Variants in ABHD10 observed in about 807,000 individuals in gnomAD.
ABHD10 encodes palmitoyl-protein thioesterase ABHD10, mitochondrial.
A neutral mutation model predicts 33.1 loss-of-function variants in ABHD10; 22 were observed. That is an observed-to-expected ratio of 0.66 (90% CI 0.47 to 0.95). The LOEUF is 0.95. Among genes scored for constraint, ABHD10 ranks in the 40% least tolerant of loss-of-function variants. ABHD10 has a pLI of 0.00. For synonymous variants in ABHD10, 146 were observed against 133.9 expected, an observed-to-expected ratio of 1.09 and a Z score of -0.62; for missense variants, 352 against 379.9, an observed-to-expected ratio of 0.93 and a Z score of 0.61.
chr3:111,986,245 T>C lies in ABHD10; in HGVS notation c.327-19T>C. The stretch of plus-strand genomic sequence containing the variant: ...GATATATAGATATTTAGATATAGAT[T>C]TTTTTCCCCTTTTTCCAGGTTTGAT... On this transcript the variant is annotated intron_variant, in intron 2 of 4. Coordinates refer to ENST00000273359, the MANE Select transcript of ABHD10 (RefSeq NM_018394.4). 6.9e-7 allele frequency: 1 copy of C among 1,456,002 alleles called. No homozygotes were observed. Among genetic ancestry groups the C allele is most frequent in the African/African-American group, 1.4e-5 (1 of 71,042 alleles). 90.2% of individuals were successfully genotyped at this position (1,456,002 alleles called of 1,614,324 possible). A position where few individuals can be genotyped will look rare whatever the true frequency, so the allele number is the denominator to read the frequency against.
In ABHD10 at chr3:111,986,350, T is replaced by C. The variant is rs1465179444; in HGVS notation, c.413T>C (p.Ile138Thr). The C allele has an allele frequency of 1.8e-5, 29 of 1,613,668 alleles. No individual in the cohort carries two copies. Among genetic ancestry groups the C allele is most frequent in the Non-Finnish European group, 2.4e-5 (28 of 1,179,706 alleles). Reference protein sequence around the residue: ...GKWRKDVLSIIDDLADGPQIL... With the variant: ...GKWRKDVLSITDDLADGPQIL... Reference sequence around the variant, plus strand: ...TGGAGAAAAGATGTTCTTTCTATAATTGATGACTTAGCTGATGGGCCACAG... The same window carrying C: ...TGGAGAAAAGATGTTCTTTCTATAACTGATGACTTAGCTGATGGGCCACAG... Residue 138 changes from isoleucine to threonine, a missense_variant, in exon 3 of 5, where the codon ATT becomes ACT. Physicochemically the swap from Ile to Thr is moderately conservative, Grantham distance 89. Coordinates refer to ENST00000273359, the MANE Select transcript of ABHD10 (RefSeq NM_018394.4).
At position 111,991,854 on chromosome 3, in the gene ABHD10, GA is replaced by G. The variant is rs2072744073; in HGVS notation, c.*134del. On this transcript the variant is annotated 3_prime_UTR_variant, in exon 5 of 5. Coordinates refer to ENST00000273359, the MANE Select transcript of ABHD10 (RefSeq NM_018394.4). ...AAATATAAGATGAGTATTATTTAATGATGTATTTGCATAAGTAATGCAAATT... is the reference window on the plus strand; with the variant it reads ...AAATATAAGATGAGTATTATTTAATGTGTATTTGCATAAGTAATGCAAATT... The G allele has an allele frequency of 2.1e-5, 14 of 678,428 alleles. No homozygotes were observed. Among genetic ancestry groups the G allele is most frequent in the Non-Finnish European group, 3.2e-5 (14 of 437,460 alleles). 42.0% of individuals were successfully genotyped at this position (678,428 alleles called of 1,614,324 possible).
intron 4 of ABHD10, among the ~76,000 whole-genome samples, chr3:111,989,615 G>A (rs2072716928): frequency 6.6e-6 from 1 of 152,174 alleles, no homozygotes; most frequent in Non-Finnish European, 1.5e-5. Flanking sequence ...ATCTGCTGAA[G>A]TATTTACAAA....
chr3:111,989,805 G>GT (rs138445944), intron 4 of ABHD10, among the ~76,000 whole-genome samples: 31,176 of 148,308 alleles, frequency 0.21, 3,284 homozygotes, highest in Middle Eastern at 0.3. Flanking sequence ...TAGAAGTACA[G>GT]TTTTTTTTTT....
At chr3:111,987,134 G>T (rs1577250887) in intron 4 of ABHD10, 83 bp downstream of exon 4, 1 of 1,499,150 alleles carries the variant, frequency 6.7e-7, no homozygotes. Flanking sequence ...GGGAAGGGGG[G>T]ACAGAAAACA....
rs75549107 is a variant in ABHD10, at chr3:111,987,528, A to C, written c.576+477A>C. On this transcript the variant is annotated intron_variant, in intron 4 of 4. Transcript: ENST00000273359. ...TTCCAAGACCTCCCATGGATACCAA[A>C]ATCCACAGATGGTCAAGTCTCTGAG... Among the ~76,000 whole-genome samples, 178 of 152,292 alleles carry C rather than the reference A, an allele frequency of 1.2e-3. 1 individual carries two copies. In the East Asian group the frequency reaches 0.033, roughly 28 times the overall value.
At chr3:111,989,283 C>T (rs1375497905) in intron 4 of ABHD10, among the ~76,000 whole-genome samples, 2 of 152,182 alleles carry the variant, frequency 1.3e-5, no homozygotes, top group Non-Finnish European at 2.9e-5. Flanking sequence ...GGGCCTCAGA[C>T]ATGATGCACA....
chr3:111,991,725 C>A lies in ABHD10; in HGVS notation c.*4C>A. Reference sequence around the variant, plus strand: ...GCTCTCAACTATAGTTAACTAGTATCACATGTTTAGTTGGTATGTAAACTA... The same window carrying A: ...GCTCTCAACTATAGTTAACTAGTATAACATGTTTAGTTGGTATGTAAACTA... On this transcript the variant is annotated 3_prime_UTR_variant, in exon 5 of 5. Transcript: ENST00000273359. 1 of 1,595,940 alleles carries A rather than the reference C, an allele frequency of 6.3e-7. No homozygotes were observed. The highest frequency in any genetic ancestry group is 1.1e-5 in the South Asian group (1 of 89,984).
intron 4 of ABHD10, among the ~76,000 whole-genome samples, chr3:111,991,174 TC>T (rs1559938369): frequency 6.6e-6 from 1 of 152,180 alleles, no homozygotes; most frequent in Non-Finnish European, 1.5e-5. Context: ...AGAATTATTA[TC>T]AGAATCTTAT....
chr3:111,982,867 AT>A (rs1319458953), intron 2 of ABHD10, among the ~76,000 whole-genome samples: 2 of 152,202 alleles, frequency 1.3e-5, no homozygotes, highest in Non-Finnish European at 2.9e-5. Context: ...ATTAGCAGCA[AT>A]TATGTCAATT....
chr3:111,991,933 G>T lies in ABHD10; in HGVS notation c.*212G>T. 1 of 437,504 alleles carries T rather than the reference G, an allele frequency of 2.3e-6. No homozygotes were observed. The highest frequency in any genetic ancestry group is 4.0e-6 in the Non-Finnish European group (1 of 252,478). The allele number at this position is 437,504 out of a possible 1,614,324, so 27.1% of individuals were successfully genotyped here. A position where few individuals can be genotyped will look rare whatever the true frequency, so the allele number is the denominator to read the frequency against. ...AAATTTTCTCCTTCCTTCTGTCCTT[G>T]ATTTTTTTTCATTAAAGTATTTCCT... On this transcript the variant is annotated 3_prime_UTR_variant, in exon 5 of 5. Coordinates refer to ENST00000273359, the MANE Select transcript of ABHD10 (RefSeq NM_018394.4).
chr3:111,985,880 T>C (rs1156636270), intron 2 of ABHD10, among the ~76,000 whole-genome samples: 1 of 152,162 alleles, frequency 6.6e-6, no homozygotes, highest in Non-Finnish European at 1.5e-5. Context: ...CAAAGTATGG[T>C]AAGGGCTCTG....
intron 4 of ABHD10, chr3:111,990,794 ATTC>A (rs1379925510): frequency 3.9e-5 from 42 of 1,089,896 alleles, no homozygotes; most frequent in Non-Finnish European, 5.2e-5. Flanking sequence ...TTATTTTTTT[ATTC>A]TTAGTTCTGT....
intron 1 of ABHD10, among the ~76,000 whole-genome samples, chr3:111,980,436 C>T (rs1370906919): frequency 6.6e-6 from 1 of 152,132 alleles, no homozygotes; most frequent in African/African-American, 2.4e-5. Context: ...CATGGATTCT[C>T]TTCTCAAGAC....
Position 111,991,816 on chromosome 3 carries a change from T to C in ABHD10, c.*95T>C. ...TCCTGATACTTTAGGTTTTTCCCTT[T>C]CCTCTATTTTGTAAATATAAGATGA... On this transcript the variant is annotated 3_prime_UTR_variant, in exon 5 of 5. Transcript: ENST00000273359. The C allele has an allele frequency of 1.0e-6, 1 of 976,208 alleles. No individual in the cohort carries two copies. The highest frequency in any genetic ancestry group is 1.7e-5 in the African/African-American group (1 of 59,474). The allele number at this position is 976,208 out of a possible 1,614,324, so 60.5% of individuals were successfully genotyped here.
Position 111,981,817 on chromosome 3 carries a change from A to G in ABHD10, c.176A>G (p.Asn59Ser). The stretch of plus-strand genomic sequence containing the variant: ...CAAAAGACGTCACTCTCATTCCTTA[A>G]TCGACCAGACCTTCCAAACCTGGCT... ...CRQKTSLSFLNRPDLPNLAYK... is the reference protein window; with the variant it reads ...CRQKTSLSFLSRPDLPNLAYK... Residue 59 changes from asparagine to serine, a missense_variant, in exon 2 of 5, where the codon AAT becomes AGT. Physicochemically the swap from Asn to Ser is conservative, Grantham distance 46. Transcript: ENST00000273359. 5.7e-6 allele frequency: 9 copies of G among 1,588,792 alleles called. No individual in the cohort carries two copies. Among genetic ancestry groups the G allele is most frequent in the Non-Finnish European group, 7.7e-6 (9 of 1,161,764 alleles).
Position 111,986,357 on chromosome 3 carries a change from C to T in ABHD10, c.420C>T (p.Asp140=). The change falls in exon 3 of 5, where the codon GAC becomes GAT. Residue 140 remains aspartate (D), a synonymous_variant. Transcript: ENST00000273359. The part of the protein sequence containing the change: ...WRKDVLSIID[D]LADGPQILVG... Reference sequence around the variant, plus strand: ...AAGATGTTCTTTCTATAATTGATGACTTAGCTGATGGGCCACAGGTGACTG... The same window carrying T: ...AAGATGTTCTTTCTATAATTGATGATTTAGCTGATGGGCCACAGGTGACTG... 6.2e-7 allele frequency: 1 copy of T among 1,612,596 alleles called. No homozygotes were observed. The highest frequency in any genetic ancestry group is 8.5e-7 in the Non-Finnish European group (1 of 1,178,708).
At chr3:111,980,652 A>G (rs998120537) in intron 1 of ABHD10, among the ~76,000 whole-genome samples, 2 of 152,216 alleles carry the variant, frequency 1.3e-5, no homozygotes, top group South Asian at 2.1e-4. Flanking sequence ...AAGATGAAGT[A>G]GGATAATCTT....
chr3:111,979,317 C>T (rs1040794684), intron 1 of ABHD10, 114 bp downstream of exon 1: 4 of 1,234,844 alleles, frequency 3.2e-6, no homozygotes, highest in African/African-American at 1.5e-5. Context: ...GCTCCTCCCC[C>T]TTTCTCAACA....
Sources: allele counts gnomAD v4.1 joint callset (sites outside exome capture counted in the v4.1 genomes callset), GRCh38; gene constraint gnomAD v4.1.1; transcripts MANE v1.5; gene names NCBI Gene and HGNC (gene_info 2026-07-23, HGNC 2026-07-21).